TMTC1: variants seen among roughly 807,000 people sequenced by gnomAD.
TMTC1 encodes transmembrane O-mannosyltransferase targeting cadherins 1.
In TMTC1, 73 loss-of-function variants were observed where a neutral mutation model predicts 104.8. The observed-to-expected ratio is 0.70, with a 90% CI of 0.58 to 0.85. The LOEUF (loss-of-function observed/expected upper bound fraction) is 0.85, where lower values mean the gene tolerates loss of function less well. Ranked by LOEUF, TMTC1 falls within the 40% of genes least tolerant of loss-of-function variation. The pLI, the probability that TMTC1 is intolerant of heterozygous loss-of-function variation, is 0.00. For missense variants in TMTC1, 1,035 were observed against 1,096.1 expected, an observed-to-expected ratio of 0.94 and a Z score of 0.79; for synonymous variants, 434 against 428.7, an observed-to-expected ratio of 1.01 and a Z score of -0.15.
chr12:29,651,379 T>C (rs1399411625), intron 5 of TMTC1, among the ~76,000 whole-genome samples: 2 of 152,168 alleles, frequency 1.3e-5, no homozygotes, highest in Non-Finnish European at 2.9e-5. Context: ...GGGCTATTGA[T>C]GGAATAAGAT....
chr12:29,612,892 T>C (rs543618960), intron 6 of TMTC1, among the ~76,000 whole-genome samples: 8 of 152,350 alleles, frequency 5.3e-5, no homozygotes, highest in Non-Finnish European at 1.0e-4. Context: ...TGAAATCAAA[T>C]ACTGTAATGA....
At chr12:29,784,660 G>C (rs1377479150), upstream of TMTC1, 1 of 152,220 alleles carries the variant, frequency 6.6e-6, no homozygotes, top group Non-Finnish European at 1.5e-5. Flanking sequence ...TTCGAGTTTT[G>C]GTTTGGGCCT....
chr12:29,556,340 A>G (rs1020964302), intron 10 of TMTC1, among the ~76,000 whole-genome samples: 11 of 152,214 alleles, frequency 7.2e-5, no homozygotes, highest in Non-Finnish European at 1.6e-4. Flanking sequence ...TTTCTCACCT[A>G]CAACACAAAC....
At chr12:29,610,392 A>G (rs1296359722) in intron 6 of TMTC1, among the ~76,000 whole-genome samples, 1 of 152,176 alleles carries the variant, frequency 6.6e-6, no homozygotes, top group African/African-American at 2.4e-5. Flanking sequence ...AATCTGAGAG[A>G]GCTCTGTTAT....
At chr12:29,623,126 T>C (rs1203470922) in intron 6 of TMTC1, among the ~76,000 whole-genome samples, 2 of 152,200 alleles carry the variant, frequency 1.3e-5, no homozygotes, top group Non-Finnish European at 2.9e-5. Context: ...CAATGTGTAA[T>C]GGTGTCTAAC....
intron 5 of TMTC1, among the ~76,000 whole-genome samples, chr12:29,736,607 A>C (rs1027684768): frequency 3.9e-5 from 6 of 152,156 alleles, no homozygotes; most frequent in Non-Finnish European, 8.8e-5. Flanking sequence ...TTTAGTAGAG[A>C]CAGGGTTTTG....
intron 5 of TMTC1, among the ~76,000 whole-genome samples, chr12:29,662,651 A>G (rs1940085850): frequency 7.5e-6 from 1 of 132,484 alleles, no homozygotes; most frequent in Non-Finnish European, 1.6e-5. Context: ...TGGGTGACAG[A>G]GCGAGACTCC....
intron 7 of TMTC1, among the ~76,000 whole-genome samples, chr12:29,592,817 A>T (rs1055385523): frequency 6.6e-6 from 1 of 152,246 alleles, no homozygotes; most frequent in Non-Finnish European, 1.5e-5. Flanking sequence ...ATTAAACATT[A>T]TACTATAATG....
chr12:29,687,748 G>A (rs776929614), intron 5 of TMTC1, among the ~76,000 whole-genome samples: 32 of 152,198 alleles, frequency 2.1e-4, no homozygotes, highest in Admixed American at 6.5e-4. Context: ...GTTGGTGCCT[G>A]GTGAGGGATC....
intron 5 of TMTC1, among the ~76,000 whole-genome samples, chr12:29,728,620 T>C (rs2043826251): frequency 6.6e-6 from 1 of 152,032 alleles, no homozygotes; most frequent in South Asian, 2.1e-4. Context: ...AAACGCTGAC[T>C]CTCAGACCTG....
chr12:29,569,647 T>G (rs554769472), intron 9 of TMTC1, among the ~76,000 whole-genome samples: 2 of 152,178 alleles, frequency 1.3e-5, no homozygotes, highest in Non-Finnish European at 2.9e-5. Context: ...TATTTTCCTT[T>G]TCCCTCTAAC....
At chr12:29,709,661 C>T (rs1941845114) in intron 5 of TMTC1, among the ~76,000 whole-genome samples, 1 of 152,186 alleles carries the variant, frequency 6.6e-6, no homozygotes, top group Admixed American at 6.5e-5. Context: ...TTTTCTCTGG[C>T]CTTCTTTCCT....
chr12:29,777,769 T>C (rs1943746226), intron 1 of TMTC1, among the ~76,000 whole-genome samples: 1 of 152,216 alleles, frequency 6.6e-6, no homozygotes, highest in Non-Finnish European at 1.5e-5. Context: ...TGGTTATTTC[T>C]GTCACTGAAC....
chr12:29,524,649 A>G (rs1038646333), intron 11 of TMTC1, among the ~76,000 whole-genome samples: 3 of 152,240 alleles, frequency 2.0e-5, no homozygotes, highest in African/African-American at 4.8e-5. Flanking sequence ...AAACTTCACT[A>G]GAAGAGTGAA....
intron 5 of TMTC1, among the ~76,000 whole-genome samples, chr12:29,665,618 G>A (rs982674571): frequency 6.6e-6 from 1 of 152,122 alleles, no homozygotes; most frequent in Non-Finnish European, 1.5e-5. Context: ...GAATTATCAC[G>A]TCAATAAATA....
intron 5 of TMTC1, among the ~76,000 whole-genome samples, chr12:29,689,536 A>T (rs1220659826): frequency 2.0e-5 from 3 of 152,158 alleles, no homozygotes; most frequent in Non-Finnish European, 4.4e-5. Context: ...GCTGGTCTCG[A>T]ACTCCCGACC....
At chr12:29,587,037 A>G (rs1482942853) in intron 7 of TMTC1, among the ~76,000 whole-genome samples, 1 of 152,312 alleles carries the variant, frequency 6.6e-6, no homozygotes, top group Admixed American at 6.5e-5. Context: ...TAACTCTGGT[A>G]GAATTCGGCT....
rs148921004 is a variant in TMTC1, at chr12:29,722,875, C to T, written c.938+28791G>A. Among the ~76,000 whole-genome samples the T allele has an allele frequency of 3.9e-3, 554 of 140,884 alleles. 2 individuals are homozygous for T. The highest frequency in any genetic ancestry group is 0.013 in the African/African-American group (497 of 39,162). 92.4% of individuals were successfully genotyped at this position (140,884 alleles called of 152,430 possible). Reference sequence around the variant, plus strand: ...GGCAGAGGTTGCAGTGAGCTGAGATCGCACCATTGCATTTCAGCCTGAGCA... The same window carrying T: ...GGCAGAGGTTGCAGTGAGCTGAGATTGCACCATTGCATTTCAGCCTGAGCA... On this transcript the variant is annotated intron_variant, in intron 5 of 17. Coordinates refer to ENST00000539277, the MANE Select transcript of TMTC1 (RefSeq NM_001193451.2).
rs185539956 is a variant in TMTC1 at position 29,691,626 on chromosome 12, C to T, written c.939-58290G>A. On this transcript the variant is annotated intron_variant, in intron 5 of 17. Coordinates refer to ENST00000539277, the MANE Select transcript of TMTC1 (RefSeq NM_001193451.2). The stretch of plus-strand genomic sequence containing the variant: ...AAACTGAGGAAACAATTCTCAATCA[C>T]TCAGATCTTAGAATAGATGGAGAAA... 4.5e-4 allele frequency among the ~76,000 whole-genome samples: 64 copies of T among 141,340 alleles called. 7 individuals carry two copies. The highest frequency in any genetic ancestry group is 4.0e-4 in the Non-Finnish European group (26 of 65,342). The allele number at this position is 141,340 out of a possible 152,430, so 92.7% of individuals were successfully genotyped here.
Sources: allele counts gnomAD v4.1 joint callset (sites outside exome capture counted in the v4.1 genomes callset), GRCh38; gene constraint gnomAD v4.1.1; transcripts MANE v1.5; gene names NCBI Gene and HGNC (gene_info 2026-07-23, HGNC 2026-07-21).